The following MEGF6 variants were observed in gnomAD, a reference collection of about 807,000 sequenced individuals.
MEGF6 encodes multiple epidermal growth factor-like domains protein 6.
A neutral mutation model predicts 207.1 loss-of-function variants in MEGF6; 184 were observed. The observed-to-expected ratio is 0.89, with a 90% CI of 0.79 to 1.00. MEGF6 has a LOEUF of 1.00. Ranked by LOEUF, MEGF6 falls within the 50% of genes least tolerant of loss-of-function variation. The pLI is 0.00. For missense variants in MEGF6, 2,282 were observed against 2,202.9 expected, an observed-to-expected ratio of 1.04 and a Z score of -0.72; for synonymous variants, 1,038 against 910.0, an observed-to-expected ratio of 1.14 and a Z score of -2.53.
rs374339674 is a variant in MEGF6, at chr1:3,510,820, G to T, written c.1197C>A (p.Ala399=). 6.2e-7 allele frequency: 1 copy of T among 1,610,298 alleles called. No individual in the cohort carries two copies. Among genetic ancestry groups the T allele is most frequent in the Non-Finnish European group, 8.5e-7 (1 of 1,178,028 alleles). The change falls in exon 10 of 37, where the codon GCC becomes GCA. Residue 399 remains alanine (A), a synonymous_variant. Coordinates refer to ENST00000356575, the MANE Select transcript of MEGF6 (RefSeq NM_001409.4). ...NPGGYECGCY[A]GYRLSADGCG... ...AGCCATCGGCACTGAGCCGGTAGCC[G>T]GCGTAGCAGCCGCACTCGTACCCGC...
chr1:3,570,573 C>T (rs1643466839), intron 4 of MEGF6, among the ~76,000 whole-genome samples: 6 of 152,160 alleles, frequency 3.9e-5, no homozygotes, highest in Admixed American at 3.9e-4. Context: ...GGCCCAGGTG[C>T]CAGGTGCTCT....
chr1:3,533,791 C>A (rs373888077), intron 4 of MEGF6, among the ~76,000 whole-genome samples: 29 of 152,342 alleles, frequency 1.9e-4, no homozygotes, highest in African/African-American at 7.0e-4. Context: ...GTCACCCTCA[C>A]CAACAGGCGA....
the MEGF6 span, among the ~76,000 whole-genome samples, chr1:3,616,943 G>A: frequency 3.9e-5 from 6 of 152,352 alleles, no homozygotes; most frequent in South Asian, 2.1e-4. Context: ...TCCGGTTCCA[G>A]TTCCTGCTCA....
intron 9 of MEGF6, among the ~76,000 whole-genome samples, chr1:3,511,106 C>T (rs1641330077): frequency 6.6e-6 from 1 of 152,274 alleles, no homozygotes; most frequent in Admixed American, 6.5e-5. Flanking sequence ...CGCACATGCA[C>T]GTTCCTGGTC....
chr1:3,533,724 T>TG (rs1354886510), intron 4 of MEGF6, among the ~76,000 whole-genome samples: 1 of 152,142 alleles, frequency 6.6e-6, no homozygotes, highest in Admixed American at 6.5e-5. Context: ...TGCTACAGGA[T>TG]GGGGCCCAGT....
chr1:3,514,818 C>T, intron 6 of MEGF6, 146 bp from the exon 7 acceptor site: 1 of 983,948 alleles, frequency 1.0e-6, no homozygotes. Flanking sequence ...GCGGGTCTCC[C>T]TCCTCCCAGG....
intron 4 of MEGF6, among the ~76,000 whole-genome samples, chr1:3,579,576 G>A (rs778417512): frequency 1.7e-4 from 26 of 152,224 alleles, no homozygotes; most frequent in Admixed American, 1.4e-3. Flanking sequence ...CGCAGTGGGC[G>A]CTGAGATGAT....
At chr1:3,595,793 C>T (rs930201679) in intron 2 of MEGF6, among the ~76,000 whole-genome samples, 5 of 152,158 alleles carry the variant, frequency 3.3e-5, no homozygotes, top group African/African-American at 9.7e-5. Context: ...ACCGCTCACT[C>T]GGCTCTCAGT....
In MEGF6 at chr1:3,592,008, G is replaced by A. The variant is rs977015756; in HGVS notation, c.376+3330C>T. Among the ~76,000 whole-genome samples, 16 of 152,290 alleles carry A rather than the reference G, an allele frequency of 1.1e-4. No individual in the cohort carries two copies. The South Asian group carries it at 1.4e-3, about 14-fold the overall frequency. On this transcript the variant is annotated intron_variant, in intron 3 of 36. Coordinates refer to ENST00000356575, the MANE Select transcript of MEGF6 (RefSeq NM_001409.4). ...GGGCATCGGCATCCGGCCCATCAGC[G>A]AACACTTGCTCCACATGCTGGCTCA...
chr1:3,553,053 C>T (rs1642932374), intron 4 of MEGF6, among the ~76,000 whole-genome samples: 2 of 152,178 alleles, frequency 1.3e-5, no homozygotes, highest in Non-Finnish European at 2.9e-5. Flanking sequence ...GGGCTGGTGG[C>T]CAGGGGCCTC....
chr1:3,493,570 C>A (rs545849218), intron 34 of MEGF6: 9 of 707,144 alleles, frequency 1.3e-5, no homozygotes, highest in Middle Eastern at 4.0e-4. Context: ...TGGCCTAAGG[C>A]TCCAGCAGGA....
intron 23 of MEGF6, 108 bp from the exon 24 acceptor site, chr1:3,499,374 G>A (rs1640753577): frequency 2.1e-6 from 3 of 1,448,488 alleles, no homozygotes; most frequent in Non-Finnish European, 2.8e-6. Context: ...CGGCTGCTAT[G>A]GCCAACTCTC....
intron 4 of MEGF6, among the ~76,000 whole-genome samples, chr1:3,575,410 C>T (rs1403976049): frequency 6.6e-6 from 1 of 152,176 alleles, no homozygotes; most frequent in African/African-American, 2.4e-5. Flanking sequence ...AACTGGCAGT[C>T]CTGGGGGATC....
At position 3,565,246 on chromosome 1, in the gene MEGF6, G is replaced by T. The variant is rs1172528687; in HGVS notation, c.481+14579C>A. 6.6e-6 allele frequency among the ~76,000 whole-genome samples: 1 copy of T among 151,986 alleles called. No homozygotes were observed. The highest frequency in any genetic ancestry group is 1.5e-5 in the Non-Finnish European group (1 of 67,988). On this transcript the variant is annotated intron_variant, in intron 4 of 36. Transcript: ENST00000356575. This position sits in a 1 kb window ranked among gnomAD's most constrained non-coding sequence, Gnocchi z 4.8. ...GTTGGGCGTCCCCAGGCGCCTCCTT[G>T]TTTATCAGACATGGCACCGAGATGG...
chr1:3,523,047 T>C (rs1041750009), intron 5 of MEGF6, among the ~76,000 whole-genome samples: 14 of 147,738 alleles, frequency 9.5e-5, no homozygotes, highest in African/African-American at 2.0e-4. Context: ...TGGATCCCCA[T>C]GGTGGCCGGG....
intron 1 of MEGF6, among the ~76,000 whole-genome samples, chr1:3,604,388 T>C (rs1209369103): frequency 6.6e-6 from 1 of 152,040 alleles, no homozygotes; most frequent in Non-Finnish European, 1.5e-5. Context: ...AGGGTCCAGG[T>C]TCCCCACCAA....
chr1:3,564,716 C>T (rs1472265984), intron 4 of MEGF6, among the ~76,000 whole-genome samples: 2 of 152,162 alleles, frequency 1.3e-5, no homozygotes, highest in African/African-American at 2.4e-5. Flanking sequence ...TCCCTTAAAA[C>T]CCTCAGCCAT....
At chr1:3,615,527 A>G (rs1434451465), upstream of MEGF6, among the ~76,000 whole-genome samples, 2 of 152,060 alleles carry the variant, frequency 1.3e-5, no homozygotes, top group African/African-American at 4.8e-5. Context: ...TCCCAATTCC[A>G]CTGTTAGGTA....
At chr1:3,511,810 A>T in intron 8 of MEGF6, 123 bp from the exon 9 acceptor site, 1 of 1,471,986 alleles carries the variant, frequency 6.8e-7, no homozygotes, top group Non-Finnish European at 9.1e-7. Flanking sequence ...GGGAAGCAGC[A>T]ACATGGAGCT....
Sources: gnomAD v4.1 joint callset for allele counts (sites outside exome capture counted in the v4.1 genomes callset) on GRCh38, gnomAD v4.1.1 for gene constraint, Gnocchi (gnomAD v3.1) non-coding constraint, MANE v1.5 for transcripts, NCBI Gene and HGNC (gene_info 2026-07-23, HGNC 2026-07-21) for gene names.